The following WNT5A variants were observed in gnomAD, a reference collection of about 807,000 sequenced individuals.
The protein encoded by WNT5A is protein Wnt-5a.
In WNT5A, 9 loss-of-function variants were observed where a neutral mutation model predicts 42.1. The ratio of observed to expected loss-of-function variants is 0.21; its 90% CI spans 0.13 to 0.37. The LOEUF is 0.37. Ranked by LOEUF, WNT5A falls within the 10% of genes least tolerant of loss-of-function variation. The pLI is 1.00. For synonymous variants in WNT5A, 210 were observed against 210.0 expected (o/e 1.00, Z 0.00); for missense variants, 426 against 534.0 (o/e 0.80, Z 1.99).
In WNT5A at chr3:55,474,580, C is replaced by T. The variant is rs900555318; in HGVS notation, c.441G>A (p.Val147=). The T allele has an allele frequency of 6.7e-7, 1 of 1,498,744 alleles. No homozygotes were observed. Among genetic ancestry groups the T allele is most frequent in the Non-Finnish European group, 8.9e-7 (1 of 1,128,308 alleles). The allele number at this position is 1,498,744 out of a possible 1,614,324, so 92.8% of individuals were successfully genotyped here. A position where few individuals can be genotyped will look rare whatever the true frequency, so the allele number is the denominator to read the frequency against. Residue 147 remains valine, a synonymous_variant, in exon 4 of 5, where the codon GTG becomes GTA. Transcript: ENST00000264634. ...CGCGGCACGCCCGGCTCATGGCGTTCACCACCCCTGCTGCGCTCACCGCGT... is the reference window on the plus strand; with the variant it reads ...CGCGGCACGCCCGGCTCATGGCGTTTACCACCCCTGCTGCGCTCACCGCGT... ...FTYAVSAAGV[V]NAMSRACREG... is the part of the protein sequence containing the mutation.
chr3:55,482,213 G>A (rs996126668), intron 1 of WNT5A, among the ~76,000 whole-genome samples: 2 of 152,370 alleles, frequency 1.3e-5, no homozygotes, highest in African/African-American at 2.4e-5. Flanking sequence ...GGCCCCCAGC[G>A]GCGAAGGTTC....
At chr3:55,486,468 G>A (rs2051581029) in intron 1 of WNT5A, among the ~76,000 whole-genome samples, 2 of 152,356 alleles carry the variant, frequency 1.3e-5, no homozygotes, top group East Asian at 3.9e-4. Flanking sequence ...GGGGGGTGTC[G>A]GGGAAGGTGT....
chr3:55,481,353 C>G, intron 1 of WNT5A: 1 of 986,462 alleles, frequency 1.0e-6, no homozygotes, highest in Non-Finnish European at 1.2e-6. Flanking sequence ...ACAAGTGGAG[C>G]CAGAATTAAT....
In WNT5A at chr3:55,467,437, C is replaced by T. The variant is rs75604544; in HGVS notation, c.*2655G>A. Reference sequence around the variant, plus strand: ...CCTTTTGTTCCATTACATATAGAAACCTTTTGAAGCTTCCAAATAGCTTGG... The same window carrying T: ...CCTTTTGTTCCATTACATATAGAAATCTTTTGAAGCTTCCAAATAGCTTGG... On this transcript the variant is annotated 3_prime_UTR_variant, in exon 5 of 5. Transcript: ENST00000264634. 6.8e-6 allele frequency: 1 copy of T among 147,304 alleles called. No individual in the cohort carries two copies. The highest frequency in any genetic ancestry group is 1.5e-5 in the Non-Finnish European group (1 of 67,036). 9.1% of individuals were successfully genotyped at this position (147,304 alleles called of 1,614,324 possible). A position where few individuals can be genotyped will look rare whatever the true frequency, so the allele number is the denominator to read the frequency against.
intron 1 of WNT5A, among the ~76,000 whole-genome samples, chr3:55,484,938 A>G (rs1159548376): frequency 1.3e-5 from 2 of 152,132 alleles, no homozygotes; most frequent in Non-Finnish European, 2.9e-5. Context: ...TCGATCATAG[A>G]GAGTTGGGAG....
upstream of WNT5A, among the ~76,000 whole-genome samples, chr3:55,491,855 T>C (rs2107037568): frequency 6.6e-6 from 1 of 152,320 alleles, no homozygotes; most frequent in South Asian, 2.1e-4. Context: ...AGCAGGGCTG[T>C]GTGAGCAGGG....
At position 55,469,799 on chromosome 3, in the gene WNT5A, G is replaced by A. The variant is rs2051210621; in HGVS notation, c.*293C>T. The stretch of plus-strand genomic sequence containing the variant: ...ACCATGTCCACACAGCTAAGTTAGG[G>A]TATGTGTTATTTCCCCTTCATTCTA... On this transcript the variant is annotated 3_prime_UTR_variant, in exon 5 of 5. Transcript: ENST00000264634. The A allele has an allele frequency of 3.2e-6, 1 of 317,098 alleles. No homozygotes were observed. Among genetic ancestry groups the A allele is most frequent in the Non-Finnish European group, 5.8e-6 (1 of 171,892 alleles). The allele number at this position is 317,098 out of a possible 1,614,324, so 19.6% of individuals were successfully genotyped here.
intron 1 of WNT5A, among the ~76,000 whole-genome samples, chr3:55,482,600 G>A (rs147582548): frequency 1.3e-3 from 196 of 152,248 alleles, no homozygotes; most frequent in African/African-American, 4.6e-3. Flanking sequence ...GACGCTTCGG[G>A]GCTTCTCAAA....
chr3:55,492,772 C>A (rs749767187), upstream of WNT5A, among the ~76,000 whole-genome samples: 4 of 152,210 alleles, frequency 2.6e-5, no homozygotes, highest in Non-Finnish European at 5.9e-5. Context: ...TCTTTACATT[C>A]ATTGCCTTGT....
At chr3:55,481,684 T>A (rs1324436441) in intron 1 of WNT5A, among the ~76,000 whole-genome samples, 1 of 151,910 alleles carries the variant, frequency 6.6e-6, no homozygotes. Context: ...ATGGGGGCCC[T>A]AGGGGATAAT....
the WNT5A span, among the ~76,000 whole-genome samples, chr3:55,499,027 T>G: frequency 6.6e-6 from 1 of 152,216 alleles, no homozygotes; most frequent in Admixed American, 6.5e-5. Context: ...GTCTTCTTTC[T>G]CTATTTAGTG....
In WNT5A at chr3:55,474,420, C is replaced by T; in HGVS notation, c.601G>A (p.Glu201Lys). 6.2e-7 allele frequency: 1 copy of T among 1,611,494 alleles called. No individual in the cohort carries two copies. Among genetic ancestry groups the T allele is most frequent in the Non-Finnish European group, 8.5e-7 (1 of 1,179,504 alleles). The change falls in exon 4 of 5, where the codon GAG becomes AAG. Residue 201 changes from glutamate (E) to lysine (K), a missense_variant. Physicochemically the swap from Glu to Lys is moderately conservative, Grantham distance 56 (BLOSUM62 1). Around this residue, in one of 3 missense-constraint regions of WNT5A, gnomAD observed 358 missense variants for 468.1 expected, o/e 0.76. Transcript: ENST00000264634. ...RFAKEFVDARERERIHAKGSY... is the reference protein window; with the variant it reads ...RFAKEFVDARKRERIHAKGSY... ...CCCTTGGCGTGGATGCGCTCCCGCT[C>T]GCGGGCGTCCACGAACTCCTTGGCA...
At chr3:55,498,867 T>A in the WNT5A span, among the ~76,000 whole-genome samples, 1 of 152,052 alleles carries the variant, frequency 6.6e-6, no homozygotes, top group Non-Finnish European at 1.5e-5. Context: ...GGGTAAGGGT[T>A]GGGGGGCATC....
intron 1 of WNT5A, among the ~76,000 whole-genome samples, chr3:55,482,552 T>C (rs1339586021): frequency 1.3e-5 from 2 of 152,098 alleles, no homozygotes; most frequent in African/African-American, 4.8e-5. Context: ...CTCAGGGGCG[T>C]GCCAAGGTTT....
At chr3:55,502,045 A>C in the WNT5A span, among the ~76,000 whole-genome samples, 1 of 152,196 alleles carries the variant, frequency 6.6e-6, no homozygotes, top group Non-Finnish European at 1.5e-5. Flanking sequence ...GCCACACGTC[A>C]TGCTATGAGC....
chr3:55,486,271 C>G (rs1416415140), intron 1 of WNT5A, among the ~76,000 whole-genome samples: 4 of 152,202 alleles, frequency 2.6e-5, no homozygotes, highest in Non-Finnish European at 5.9e-5. Flanking sequence ...CACAACTCCC[C>G]GCCCCCACCA....
At chr3:55,491,558 C>T (rs1244336758), upstream of WNT5A, among the ~76,000 whole-genome samples, 3 of 152,218 alleles carry the variant, frequency 2.0e-5, no homozygotes. Context: ...ACGACTGCAT[C>T]CCTGTGCCGC....
At chr3:55,477,639 G>A (rs2051382176) in intron 3 of WNT5A, among the ~76,000 whole-genome samples, 1 of 152,190 alleles carries the variant, frequency 6.6e-6, no homozygotes, top group African/African-American at 2.4e-5. Flanking sequence ...TGTTCCCTGA[G>A]GAAGCAGGCT....
At chr3:55,496,783 A>G in the WNT5A span, among the ~76,000 whole-genome samples, 2 of 152,250 alleles carry the variant, frequency 1.3e-5, no homozygotes, top group African/African-American at 4.8e-5. Flanking sequence ...GGATATCAAC[A>G]TCTATTTCAA....
Sources: allele counts gnomAD v4.1 joint callset (sites outside exome capture counted in the v4.1 genomes callset), GRCh38; gene constraint gnomAD v4.1.1; regional missense constraint gnomAD v4.1.1; transcripts MANE v1.5; gene names NCBI Gene and HGNC (gene_info 2026-07-23, HGNC 2026-07-21).